Variants in TBXAS1 observed in about 807,000 individuals in gnomAD.
TBXAS1 encodes the protein thromboxane A synthase 1.
Under a neutral mutation model 60.7 loss-of-function variants are expected in TBXAS1, and 48 were observed. That is an observed-to-expected ratio of 0.79 (90% CI 0.63 to 1.01). The LOEUF is 1.01. Ranked by LOEUF, TBXAS1 falls within the 50% of genes least tolerant of loss-of-function variation. TBXAS1 has a pLI of 0.00. For synonymous variants in TBXAS1, 287 were observed against 269.7 expected, an observed-to-expected ratio of 1.06 and a Z score of -0.63; for missense variants, 685 against 686.3, an observed-to-expected ratio of 1.00 and a Z score of 0.02.
chr7:139,868,411 C>T (rs1037070065), intron 1 of TBXAS1, among the ~76,000 whole-genome samples: 4 of 152,130 alleles, frequency 2.6e-5, no homozygotes, highest in Non-Finnish European at 5.9e-5. Context: ...ACCACTTAAC[C>T]TAGGGCTGCC....
intron 3 of TBXAS1, among the ~76,000 whole-genome samples, chr7:139,877,084 A>G (rs1802293258): frequency 6.6e-6 from 1 of 152,194 alleles, no homozygotes; most frequent in Non-Finnish European, 1.5e-5. Flanking sequence ...ACCAAGTCAC[A>G]CGGCTAAACC....
At chr7:139,824,829 C>CTTT (rs1192880390), upstream of TBXAS1, among the ~76,000 whole-genome samples, 3 of 38,860 alleles carry the variant, frequency 7.7e-5, 1 homozygote, top group East Asian at 3.8e-3. Flanking sequence ...TTTTCCTTTT[C>CTTT]TTTTTTTTTT....
At chr7:139,984,139 G>C (rs1212072428) in intron 9 of TBXAS1, among the ~76,000 whole-genome samples, 4 of 152,196 alleles carry the variant, frequency 2.6e-5, no homozygotes, top group Admixed American at 6.5e-5. Flanking sequence ...TGTGGCCCTG[G>C]GGCATGACAC....
chr7:139,849,532 C>T (rs538572486), intron 1 of TBXAS1, among the ~76,000 whole-genome samples: 2 of 152,180 alleles, frequency 1.3e-5, no homozygotes, highest in Middle Eastern at 6.8e-3. Context: ...AGTGTTGAAG[C>T]AGGGTCCAGA....
At chr7:139,963,340 T>A (rs1810519441) in intron 9 of TBXAS1, among the ~76,000 whole-genome samples, 1 of 152,268 alleles carries the variant, frequency 6.6e-6, no homozygotes, top group African/African-American at 2.4e-5. Flanking sequence ...AAAATAATTT[T>A]GAATCTTGAT....
chr7:139,889,857 G>A (rs1284059088), intron 3 of TBXAS1, among the ~76,000 whole-genome samples: 3 of 152,158 alleles, frequency 2.0e-5, no homozygotes, highest in South Asian at 4.2e-4. Context: ...GAATCTGTTG[G>A]GGGGATGGAT....
chr7:139,950,067 C>T (rs1371480353), intron 5 of TBXAS1, among the ~76,000 whole-genome samples: 6 of 119,100 alleles, frequency 5.0e-5, no homozygotes, highest in Non-Finnish European at 6.6e-5. Flanking sequence ...TTTTTTGAGA[C>T]GGAGTCTCTC....
intron 3 of TBXAS1, among the ~76,000 whole-genome samples, chr7:139,784,011 G>GTTTTTTTTTTTTTTT (rs11340240): frequency 2.0e-4 from 27 of 132,048 alleles, no homozygotes; most frequent in East Asian, 8.9e-4. Context: ...AGTTTTTTTT[G>GTTTTTTTTTTTTTTT]TTTTTTTTTT....
chr7:139,900,977 T>C (rs1584804219), intron 3 of TBXAS1, among the ~76,000 whole-genome samples: 2 of 152,156 alleles, frequency 1.3e-5, no homozygotes, highest in Non-Finnish European at 2.9e-5. Flanking sequence ...CCCACCACCA[T>C]GACCAGAGGG....
chr7:139,970,403 G>A (rs1040114620), intron 9 of TBXAS1, among the ~76,000 whole-genome samples: 2 of 152,204 alleles, frequency 1.3e-5, no homozygotes, highest in Non-Finnish European at 2.9e-5. Context: ...CACCGTGCCC[G>A]GCCAAGGGTC....
At chr7:139,925,768 C>T (rs912628234) in intron 4 of TBXAS1, among the ~76,000 whole-genome samples, 6 of 152,156 alleles carry the variant, frequency 3.9e-5, no homozygotes, top group African/African-American at 1.4e-4. Context: ...CAGTATGATA[C>T]TAGCTGTGGG....
intron 9 of TBXAS1, among the ~76,000 whole-genome samples, chr7:139,985,284 T>C (rs1812363543): frequency 6.6e-6 from 1 of 152,364 alleles, no homozygotes; most frequent in South Asian, 2.1e-4. Flanking sequence ...TGGCAGGGTT[T>C]CAGGTCCCCT....
intron 9 of TBXAS1, among the ~76,000 whole-genome samples, chr7:140,001,468 C>T (rs766297648): frequency 3.3e-5 from 5 of 152,066 alleles, no homozygotes; most frequent in Admixed American, 6.5e-5. Context: ...CTCGGCTCAC[C>T]GCAACCTCTA....
intron 4 of TBXAS1, among the ~76,000 whole-genome samples, chr7:139,921,536 CA>C (rs199693199): frequency 1.3e-5 from 2 of 151,442 alleles, no homozygotes; most frequent in Non-Finnish European, 1.5e-5. Flanking sequence ...CCTGTCTCTA[CA>C]AAAAAAAATT....
chr7:139,857,352 T>C (rs191339668), intron 1 of TBXAS1, among the ~76,000 whole-genome samples: 3 of 152,366 alleles, frequency 2.0e-5, no homozygotes, highest in African/African-American at 7.2e-5. Flanking sequence ...ATTACTCTTT[T>C]TTTTTCTCTC....
At position 139,874,777 on chromosome 7, in the gene TBXAS1, C is replaced by A. The variant is rs62490074; in HGVS notation, c.184-808C>A. 5.8e-3 allele frequency among the ~76,000 whole-genome samples: 879 copies of A among 152,230 alleles called. 4 individuals are homozygous for A. The highest frequency in any genetic ancestry group is 0.01 in the Non-Finnish European group (698 of 68,002). ...CTAGCATTTTCCACCCCTCCGTCAA[C>A]CCAGCTACACTTCTTTCCCATTATA... On this transcript the variant is annotated intron_variant, in intron 2 of 12. Coordinates refer to ENST00000448866, the MANE Select transcript of TBXAS1 (RefSeq NM_001061.7).
intron 4 of TBXAS1, among the ~76,000 whole-genome samples, chr7:139,808,600 G>C (rs1195004219): frequency 6.6e-6 from 1 of 152,150 alleles, no homozygotes; most frequent in Non-Finnish European, 1.5e-5. Flanking sequence ...GCTCCAGCGT[G>C]CTCCTGGCTC....
chr7:139,921,873 G>A (rs1015975407), intron 4 of TBXAS1, among the ~76,000 whole-genome samples: 1 of 152,110 alleles, frequency 6.6e-6, no homozygotes, highest in African/African-American at 2.4e-5. Flanking sequence ...ACGAGAGTAG[G>A]TGCATGGTGG....
chr7:139,932,538 CA>C (rs543092786), intron 4 of TBXAS1, among the ~76,000 whole-genome samples: 2,163 of 137,198 alleles, frequency 0.016, 32 homozygotes, highest in South Asian at 0.043. Context: ...CTCAGGGTCA[CA>C]AAAAAAAAAA....
Sources: gnomAD v4.1 joint callset for allele counts (sites outside exome capture counted in the v4.1 genomes callset) on GRCh38, gnomAD v4.1.1 for gene constraint, MANE v1.5 for transcripts, NCBI Gene and HGNC (gene_info 2026-07-23, HGNC 2026-07-21) for gene names.